The following IPO11 variants were observed in gnomAD, a reference collection of about 807,000 sequenced individuals.
IPO11 encodes importin 11.
A neutral mutation model predicts 143.2 loss-of-function variants in IPO11; 66 were observed. That is an observed-to-expected ratio of 0.46 (90% CI 0.38 to 0.57). IPO11 has a LOEUF of 0.57. Among genes scored for constraint, IPO11 ranks in the 20% least tolerant of loss-of-function variants. IPO11 has a pLI of 0.00. For synonymous variants in IPO11, 385 were observed against 377.8 expected, an observed-to-expected ratio of 1.02 and a Z score of -0.22; for missense variants, 1,026 against 1,141.0, an observed-to-expected ratio of 0.90 and a Z score of 1.45.
At chr5:62,584,273 A>G (rs1012443000) in intron 27 of IPO11, among the ~76,000 whole-genome samples, 4 of 151,998 alleles carry the variant, frequency 2.6e-5, no homozygotes, top group African/African-American at 9.7e-5. Flanking sequence ...TTCAGTGGTG[A>G]TGGGACAGAG....
chr5:62,454,006 G>A (rs755624277), intron 5 of IPO11, among the ~76,000 whole-genome samples: 13 of 152,010 alleles, frequency 8.6e-5, no homozygotes, highest in Non-Finnish European at 1.5e-4. Flanking sequence ...GTGGTGGCAC[G>A]CGCCTGTAGT....
At chr5:62,459,462 G>A (rs1745281713) in intron 5 of IPO11, among the ~76,000 whole-genome samples, 1 of 152,002 alleles carries the variant, frequency 6.6e-6, no homozygotes, top group Non-Finnish European at 1.5e-5. Context: ...TTTTGAGATA[G>A]ATCTTGTACC....
chr5:62,545,469 A>C (rs1743135836), intron 24 of IPO11, among the ~76,000 whole-genome samples: 1 of 152,212 alleles, frequency 6.6e-6, no homozygotes. Context: ...TAAAGACTTA[A>C]GTGTTAGACC....
At chr5:62,455,396 G>T (rs981578704) in intron 5 of IPO11, among the ~76,000 whole-genome samples, 1 of 152,126 alleles carries the variant, frequency 6.6e-6, no homozygotes, top group Non-Finnish European at 1.5e-5. Flanking sequence ...GGTGGCGCAC[G>T]CCTGTAATCC....
At chr5:62,536,598 A>G (rs1244645432) in intron 22 of IPO11, 104 bp from the exon 23 acceptor site, 1 of 1,323,712 alleles carries the variant, frequency 7.6e-7, no homozygotes, top group Non-Finnish European at 1.0e-6. Flanking sequence ...AGAGGTTTCT[A>G]GAGTATGCAA....
chr5:62,533,602 T>A (rs1412276508), intron 22 of IPO11, among the ~76,000 whole-genome samples: 1 of 152,146 alleles, frequency 6.6e-6, no homozygotes, highest in Non-Finnish European at 1.5e-5. Flanking sequence ...TGAATACTGT[T>A]TTTGTATGTT....
intron 5 of IPO11, among the ~76,000 whole-genome samples, chr5:62,464,316 T>C (rs1240401102): frequency 6.6e-6 from 1 of 151,644 alleles, no homozygotes; most frequent in East Asian, 1.9e-4. Flanking sequence ...AATTTTTGTG[T>C]TTTTAGTAGA....
chr5:62,551,329 A>T lies in IPO11; in HGVS notation c.2453A>T (p.Asn818Ile), dbSNP rs755305860. Residue 818 changes from asparagine to isoleucine, a missense_variant, in exon 26 of 30, where the codon AAT (asparagine) becomes ATT (isoleucine). Around this residue, in one of 5 missense-constraint regions of IPO11, gnomAD observed 351 missense variants for 358.9 expected, o/e 0.98. Coordinates refer to ENST00000325324, the MANE Select transcript of IPO11 (RefSeq NM_016338.5). The stretch of plus-strand genomic sequence containing the variant: ...CTTAATGAGATGGCCCATAAATTTA[A>T]TCAGGAGGTAAGAATCAATATACTT... ...SLLNEMAHKF[N>I]QEMDQLLGNM... 1 of 1,505,198 alleles carries T rather than the reference A, an allele frequency of 6.6e-7. No homozygotes were observed. Among genetic ancestry groups the T allele is most frequent in the Non-Finnish European group, 9.2e-7 (1 of 1,083,210 alleles). 93.2% of individuals were successfully genotyped at this position (1,505,198 alleles called of 1,614,324 possible).
At chr5:62,568,198 A>AAGCTATCCACCCACCTCAGCCTCCC (rs1744021116) in intron 27 of IPO11, among the ~76,000 whole-genome samples, 1 of 151,270 alleles carries the variant, frequency 6.6e-6, no homozygotes, top group Non-Finnish European at 1.5e-5. Context: ...CCCTGAGCTC[A>AAGCTATCCACCCACCTCAGCCTCCC]AGCTATCCAC....
intron 27 of IPO11, chr5:62,578,796 A>T: frequency 2.4e-6 from 1 of 412,388 alleles, no homozygotes; most frequent in South Asian, 1.8e-5. Context: ...GTGACTTAAA[A>T]AAAAAAAAAA....
Position 62,422,127 on chromosome 5 carries a change from CTTTA to C in IPO11, c.-7+9210_-7+9213del, listed in dbSNP as rs548432409. On this transcript the variant is annotated intron_variant, in intron 1 of 29. Coordinates refer to ENST00000325324, the MANE Select transcript of IPO11 (RefSeq NM_016338.5). ...ATTTTTTTTCATATCCAAGAAGGAA[CTTTA>C]TTTATTTATTTTTTGAGATGGAATC... Among the ~76,000 whole-genome samples, 378 of 152,000 alleles carry C rather than the reference CTTTA, an allele frequency of 2.5e-3. 1 individual carries two copies. Among genetic ancestry groups the C allele is most frequent in the African/African-American group, 8.3e-3 (342 of 41,448 alleles).
Position 62,626,664 on chromosome 5 carries a change from C to CTT in IPO11, c.2764-477_2764-476dup, listed in dbSNP as rs535167129. Among the ~76,000 whole-genome samples the CTT allele has an allele frequency of 7.0e-3, 960 of 136,208 alleles. 9 individuals carry two copies. Among genetic ancestry groups the CTT allele is most frequent in the African/African-American group, 0.024 (914 of 37,322 alleles). The allele number at this position is 136,208 out of a possible 152,430, so 89.4% of individuals were successfully genotyped here. A position where few individuals can be genotyped will look rare whatever the true frequency, so the allele number is the denominator to read the frequency against. On this transcript the variant is annotated intron_variant, in intron 29 of 29. Transcript: ENST00000325324. ...TATCCCAGTGGGAGACGAGGAGTCC[C>CTT]TTTTTTTTTTTTTTCAGCCAGAAGC...
intron 20 of IPO11, among the ~76,000 whole-genome samples, chr5:62,521,910 A>G (rs1742215109): frequency 6.6e-6 from 1 of 151,944 alleles, no homozygotes; most frequent in Non-Finnish European, 1.5e-5. Flanking sequence ...TTATGAATGC[A>G]GTGTTTTCTT....
At chr5:62,461,051 G>C (rs1164425841) in intron 5 of IPO11, among the ~76,000 whole-genome samples, 4 of 152,104 alleles carry the variant, frequency 2.6e-5, no homozygotes, top group Non-Finnish European at 4.4e-5. Flanking sequence ...GAAAGGTAAA[G>C]GGCTGAAAGG....
chr5:62,566,854 G>T (rs777771130), intron 27 of IPO11, among the ~76,000 whole-genome samples: 1 of 151,452 alleles, frequency 6.6e-6, no homozygotes, highest in Non-Finnish European at 1.5e-5. Flanking sequence ...ATATATATAT[G>T]TGTGTGTATA....
chr5:62,457,873 G>T (rs1745218221), intron 5 of IPO11, among the ~76,000 whole-genome samples: 3 of 152,278 alleles, frequency 2.0e-5, no homozygotes, highest in Admixed American at 2.0e-4. Context: ...TGCCGGCCGG[G>T]CGCGGTGGCT....
Position 62,442,974 on chromosome 5 carries a change from T to C in IPO11, c.139-9T>C. The C allele has an allele frequency of 6.6e-7, 1 of 1,505,488 alleles. No individual in the cohort carries two copies. Among genetic ancestry groups the C allele is most frequent in the South Asian group, 1.2e-5 (1 of 85,258 alleles). 93.3% of individuals were successfully genotyped at this position (1,505,488 alleles called of 1,614,324 possible). A position where few individuals can be genotyped will look rare whatever the true frequency, so the allele number is the denominator to read the frequency against. ...ATGCTAATTCTAATATTATGTTTTT[T>C]ATTTATAGAATATTTTCACCAACCA... On this transcript the variant is annotated splice_polypyrimidine_tract_variant and intron_variant, in intron 2 of 29. Coordinates refer to ENST00000325324, the MANE Select transcript of IPO11 (RefSeq NM_016338.5).
At chr5:62,560,985 C>G in intron 26 of IPO11, 151 bp from the exon 27 acceptor site, 1 of 569,660 alleles carries the variant, frequency 1.8e-6, no homozygotes, top group Non-Finnish European at 2.9e-6. Context: ...ATTTCCAGCT[C>G]ATGACTTAAC....
chr5:62,509,135 T>TAA (rs1486109332), intron 19 of IPO11, among the ~76,000 whole-genome samples: 1 of 152,258 alleles, frequency 6.6e-6, no homozygotes, highest in African/African-American at 2.4e-5. Flanking sequence ...AACCTACAGT[T>TAA]AACTTTTCTA....
Sources: allele counts gnomAD v4.1 joint callset (sites outside exome capture counted in the v4.1 genomes callset), GRCh38; gene constraint gnomAD v4.1.1; regional missense constraint gnomAD v4.1.1; transcripts MANE v1.5; gene names NCBI Gene and HGNC (gene_info 2026-07-23, HGNC 2026-07-21).